Variants in SNAP23 observed in about 807,000 individuals in gnomAD.
The protein encoded by SNAP23 is synaptosomal-associated protein 23.
Under a neutral mutation model 29.0 loss-of-function variants are expected in SNAP23, and 11 were observed. That is an observed-to-expected ratio of 0.38 (90% CI 0.24 to 0.63). The LOEUF (loss-of-function observed/expected upper bound fraction) is 0.63. Ranked by LOEUF, SNAP23 falls within the 20% of genes least tolerant of loss-of-function variation. The probability of loss-of-function intolerance (pLI) is 0.58; values close to 1 mark genes in which losing one functional copy is unlikely to be tolerated. For missense variants in SNAP23, 220 were observed against 253.9 expected (o/e 0.87, Z 0.91); for synonymous variants, 60 against 82.9 (o/e 0.72, Z 1.50).
At chr15:42,523,541 G>A (rs2057468337) in intron 5 of SNAP23, among the ~76,000 whole-genome samples, 2 of 152,350 alleles carry the variant, frequency 1.3e-5, no homozygotes, top group Admixed American at 6.5e-5. Context: ...GGCATGAACT[G>A]TTGACTAAAG....
In SNAP23 at chr15:42,512,856, G is replaced by C. The variant is rs1459904083; in HGVS notation, c.58-99G>C. The C allele has an allele frequency of 2.7e-5, 24 of 881,438 alleles. No homozygotes were observed. The Admixed American group carries it at 5.0e-4, about 18-fold the overall frequency. 54.6% of individuals were successfully genotyped at this position (881,438 alleles called of 1,614,324 possible). A position where few individuals can be genotyped will look rare whatever the true frequency, so the allele number is the denominator to read the frequency against. The stretch of plus-strand genomic sequence containing the variant: ...TGAGCCACTGTGCCCGGCCTGAGCT[G>C]GCAATTTTTAAAGATAGAATAGCAT... On this transcript the variant is annotated intron_variant, in intron 2 of 7. Transcript: ENST00000249647.
chr15:42,504,911 A>C (rs1163593060), intron 1 of SNAP23, among the ~76,000 whole-genome samples: 1 of 152,244 alleles, frequency 6.6e-6, no homozygotes, highest in East Asian at 1.9e-4. Context: ...TGCTGAACTT[A>C]AAAGTACAGT....
intron 2 of SNAP23, 74 bp from the exon 3 acceptor site, chr15:42,512,881 T>C: frequency 1.8e-6 from 2 of 1,108,018 alleles, no homozygotes; most frequent in Non-Finnish European, 2.8e-6. Flanking sequence ...TAGAATAGCA[T>C]CATGAATTTG....
At chr15:42,495,741 AGCTG>A (rs1239774337) in intron 1 of SNAP23, 28 bp downstream of exon 1, 4 of 152,586 alleles carry the variant, frequency 2.6e-5, no homozygotes, top group Non-Finnish European at 5.8e-5. Flanking sequence ...GGACGGAGGG[AGCTG>A]GCCGGGATGA....
At chr15:42,525,242 C>T (rs1379948952) in intron 5 of SNAP23, among the ~76,000 whole-genome samples, 1 of 151,436 alleles carries the variant, frequency 6.6e-6, no homozygotes, top group East Asian at 2.0e-4. Context: ...GTGGCAGGCG[C>T]CTGTAGTCCC....
Position 42,529,810 on chromosome 15 carries a change from C to T in SNAP23, c.561C>T (p.Ile187=), listed in dbSNP as rs2057544822. Residue 187 remains isoleucine (I), a synonymous_variant, in exon 7 of 8, where the codon ATC becomes ATT. Coordinates refer to ENST00000249647, the MANE Select transcript of SNAP23 (RefSeq NM_003825.4). ...IDAQNPQIKR[I]TDKADTNRDR... ...CTCAAAATCCACAAATAAAACGAAT[C>T]ACAGACAAGGTAAAAGCTTTTTATT... 3.1e-6 allele frequency: 5 copies of T among 1,611,520 alleles called. No individual in the cohort carries two copies. Among genetic ancestry groups the T allele is most frequent in the Non-Finnish European group, 4.2e-6 (5 of 1,179,442 alleles).
chr15:42,493,339 T>C (rs1163900658), upstream of SNAP23, among the ~76,000 whole-genome samples: 1 of 150,766 alleles, frequency 6.6e-6, no homozygotes, highest in Non-Finnish European at 1.5e-5. Flanking sequence ...ACCTTCTCTC[T>C]CTCTCTCTCT....
chr15:42,517,744 T>C (rs1595524527), intron 5 of SNAP23, among the ~76,000 whole-genome samples: 1 of 152,160 alleles, frequency 6.6e-6, no homozygotes, highest in Non-Finnish European at 1.5e-5. Flanking sequence ...GGCCTCTCCC[T>C]CTGTCTCCCG....
At chr15:42,522,139 C>T (rs1429141085) in intron 5 of SNAP23, 1 of 152,276 alleles carries the variant, frequency 6.6e-6, no homozygotes, top group Non-Finnish European at 1.5e-5. Context: ...TAAAGTTTTG[C>T]TTCTAATGAT....
intron 1 of SNAP23, among the ~76,000 whole-genome samples, chr15:42,507,643 C>T (rs192214248): frequency 6.6e-6 from 1 of 152,288 alleles, no homozygotes; most frequent in Admixed American, 6.5e-5. Context: ...TAACCTTTTC[C>T]TGATTCCGTA....
intron 1 of SNAP23, among the ~76,000 whole-genome samples, chr15:42,508,015 G>A (rs1048839102): frequency 6.6e-6 from 1 of 152,066 alleles, no homozygotes; most frequent in African/African-American, 2.4e-5. Flanking sequence ...CAGAACTTTG[G>A]GAGGCTGAGG....
At chr15:42,507,663 T>C (rs1014358842) in intron 1 of SNAP23, among the ~76,000 whole-genome samples, 7 of 152,232 alleles carry the variant, frequency 4.6e-5, no homozygotes, top group Admixed American at 3.3e-4. Flanking sequence ...AAGGAAAATG[T>C]CTGCAGAGAA....
At chr15:42,506,573 T>C (rs569186249) in intron 1 of SNAP23, among the ~76,000 whole-genome samples, 1 of 152,332 alleles carries the variant, frequency 6.6e-6, no homozygotes, top group East Asian at 1.9e-4. Context: ...TTAATGTAGA[T>C]TATTTTCAGC....
At chr15:42,504,564 A>T (rs1032926104) in intron 1 of SNAP23, among the ~76,000 whole-genome samples, 4 of 152,178 alleles carry the variant, frequency 2.6e-5, no homozygotes, top group Non-Finnish European at 5.9e-5. Flanking sequence ...ATTTATTTCC[A>T]CTTCAGTAAA....
chr15:42,492,004 G>A (rs1394306360), upstream of SNAP23, among the ~76,000 whole-genome samples: 1 of 151,996 alleles, frequency 6.6e-6, no homozygotes, highest in African/African-American at 2.4e-5. Context: ...TCCACCTTCC[G>A]GGTTCAAGCG....
intron 5 of SNAP23, among the ~76,000 whole-genome samples, chr15:42,526,795 T>C (rs1456910246): frequency 6.6e-6 from 1 of 151,986 alleles, no homozygotes; most frequent in Non-Finnish European, 1.5e-5. Flanking sequence ...TTTTTCCCTG[T>C]AATAGCCACT....
chr15:42,495,545 C>T (rs1024761338), upstream of SNAP23: 1 of 152,192 alleles, frequency 6.6e-6, no homozygotes, highest in Non-Finnish European at 1.5e-5. Context: ...ACATTTAAAC[C>T]CCCAGCACCG....
At chr15:42,525,295 G>C (rs1213457974) in intron 5 of SNAP23, among the ~76,000 whole-genome samples, 1 of 150,148 alleles carries the variant, frequency 6.7e-6, no homozygotes, top group Non-Finnish European at 1.5e-5. Context: ...GTGAACCCGG[G>C]AGGCGGAGCT....
intron 1 of SNAP23, among the ~76,000 whole-genome samples, chr15:42,508,631 C>T (rs1412734422): frequency 6.6e-6 from 1 of 152,156 alleles, no homozygotes. Context: ...GGGGTGATTC[C>T]TCACGTTATC....
Sources: allele counts gnomAD v4.1 joint callset (sites outside exome capture counted in the v4.1 genomes callset), GRCh38; gene constraint gnomAD v4.1.1; transcripts MANE v1.5; gene names NCBI Gene and HGNC (gene_info 2026-07-23, HGNC 2026-07-21).